CIAPIN1: variants seen among roughly 807,000 people sequenced by gnomAD.
The protein encoded by CIAPIN1 is anamorsin.
A neutral mutation model predicts 34.3 loss-of-function variants in CIAPIN1; 18 were observed. The observed-to-expected ratio is 0.52, with a 90% CI of 0.36 to 0.78. CIAPIN1 has a LOEUF of 0.78. Among genes scored for constraint, CIAPIN1 ranks in the 30% least tolerant of loss-of-function variants. CIAPIN1 has a pLI of 0.00. For synonymous variants in CIAPIN1, 131 were observed against 140.4 expected (o/e 0.93, Z 0.47); for missense variants, 310 against 372.5 (o/e 0.83, Z 1.38).
chr16:57,430,512 G>A (rs541668760), intron 7 of CIAPIN1, 173 bp from the exon 8 acceptor site: 2 of 622,740 alleles, frequency 3.2e-6, no homozygotes, highest in African/African-American at 1.8e-5. Context: ...GGAGACAGAA[G>A]TGGGAGGAGG....
intron 5 of CIAPIN1, 40 bp downstream of exon 5, chr16:57,434,004 A>C: frequency 6.4e-7 from 1 of 1,570,864 alleles, no homozygotes; most frequent in South Asian, 1.1e-5. Context: ...TGTCCCTCTA[A>C]GCCCATTCAA....
chr16:57,432,377 C>A, intron 6 of CIAPIN1, 110 bp downstream of exon 6: 1 of 825,038 alleles, frequency 1.2e-6, no homozygotes, highest in Non-Finnish European at 1.9e-6. Flanking sequence ...AGTCACAAAT[C>A]TGGGCTTTAA....
intron 5 of CIAPIN1, chr16:57,433,727 G>C: frequency 2.9e-6 from 1 of 347,592 alleles, no homozygotes; most frequent in South Asian, 2.3e-5. Flanking sequence ...GAGGTCTTCT[G>C]AGGAGAAACG....
chr16:57,439,906 G>A (rs1345289671), intron 2 of CIAPIN1, among the ~76,000 whole-genome samples: 3 of 152,104 alleles, frequency 2.0e-5, no homozygotes, highest in Non-Finnish European at 2.9e-5. Flanking sequence ...CGACATCTGC[G>A]CACCTTGAAA....
rs1903006511 is a variant in CIAPIN1 at position 57,428,526 on chromosome 16, C to T, written c.*644G>A. The stretch of plus-strand genomic sequence containing the variant: ...CACAAATGCACATCCCCTCTCTTTA[C>T]AAGACATGCAGAATCTCAAGATATG... On this transcript the variant is annotated 3_prime_UTR_variant, in exon 9 of 9. Transcript: ENST00000394391. The T allele has an allele frequency of 6.6e-6, 1 of 152,324 alleles. No individual in the cohort carries two copies. The allele number at this position is 152,324 out of a possible 1,614,324, so 9.4% of individuals were successfully genotyped here. A position where few individuals can be genotyped will look rare whatever the true frequency, so the allele number is the denominator to read the frequency against.
intron 5 of CIAPIN1, chr16:57,433,702 T>C (rs1903139407): frequency 3.1e-6 from 1 of 318,006 alleles, no homozygotes; most frequent in Non-Finnish European, 6.1e-6. Context: ...TCATACACCA[T>C]TACCACTACA....
At chr16:57,429,358 A>G (rs1220768487) in intron 8 of CIAPIN1, 78 bp from the exon 9 acceptor site, 1 of 961,838 alleles carries the variant, frequency 1.0e-6, no homozygotes, top group South Asian at 1.3e-5. Context: ...GCCTAATTTC[A>G]TAATGTGGCC....
chr16:57,429,015 GC>G lies in CIAPIN1; in HGVS notation c.*154del, dbSNP rs547843808. ...ACACAGCAGCACTACACACCACTGTGCCCCCCAGCCAGCTTCACTCTGTCTG... is the reference window on the plus strand; with the variant it reads ...ACACAGCAGCACTACACACCACTGTGCCCCCAGCCAGCTTCACTCTGTCTG... On this transcript the variant is annotated 3_prime_UTR_variant, in exon 9 of 9. Transcript: ENST00000394391. 0.016 allele frequency: 10,072 copies of G among 621,146 alleles called. 142 individuals carry two copies. Among genetic ancestry groups the G allele is most frequent in the Non-Finnish European group, 0.019 (6,654 of 343,210 alleles). 38.5% of individuals were successfully genotyped at this position (621,146 alleles called of 1,614,324 possible).
At chr16:57,440,659 C>A in intron 2 of CIAPIN1, 113 bp downstream of exon 2, 1 of 1,200,936 alleles carries the variant, frequency 8.3e-7, no homozygotes, top group East Asian at 2.4e-5. Flanking sequence ...TGACCAGCCA[C>A]CACTATCACA....
chr16:57,434,761 C>G (rs1903162717), intron 4 of CIAPIN1, among the ~76,000 whole-genome samples: 1 of 152,092 alleles, frequency 6.6e-6, no homozygotes, highest in African/African-American at 2.4e-5. Flanking sequence ...GGGAAATACA[C>G]TGAAGTAGGT....
intron 2 of CIAPIN1, among the ~76,000 whole-genome samples, 199 bp from the exon 3 acceptor site, chr16:57,439,533 C>T (rs1420691024): frequency 6.6e-6 from 1 of 152,222 alleles, no homozygotes; most frequent in Non-Finnish European, 1.5e-5. Flanking sequence ...TTATGGAAAT[C>T]ATCAACTACA....
chr16:57,441,059 C>T (rs588430), intron 1 of CIAPIN1, 76 bp from the exon 2 acceptor site: 431,587 of 861,922 alleles, frequency 0.5, 111,288 homozygotes, highest in Non-Finnish European at 0.53. Flanking sequence ...AACTTGTAAC[C>T]GCCCACTAGG....
chr16:57,446,665 G>C (rs1310591257), intron 1 of CIAPIN1, among the ~76,000 whole-genome samples: 1 of 152,104 alleles, frequency 6.6e-6, no homozygotes, highest in Non-Finnish European at 1.5e-5. Context: ...CAGAATGAAG[G>C]GCACCAGCCT....
At chr16:57,447,074 A>C (rs1167536857) in intron 1 of CIAPIN1, among the ~76,000 whole-genome samples, 1 of 152,206 alleles carries the variant, frequency 6.6e-6, no homozygotes, top group Non-Finnish European at 1.5e-5. Flanking sequence ...CCGGGGCCTC[A>C]GAGTAGGGCC....
At chr16:57,429,405 C>T in intron 8 of CIAPIN1, 125 bp from the exon 9 acceptor site, 1 of 635,974 alleles carries the variant, frequency 1.6e-6, no homozygotes, top group Admixed American at 2.8e-5. Context: ...TTTGCAGGTC[C>T]AATTGAGACC....
chr16:57,445,556 T>A (rs2030018579), intron 1 of CIAPIN1, among the ~76,000 whole-genome samples: 1 of 152,054 alleles, frequency 6.6e-6, no homozygotes, highest in Non-Finnish European at 1.5e-5. Flanking sequence ...TAACTGAAGC[T>A]CTTGTGCACA....
At chr16:57,443,904 G>A (rs1326501816) in intron 1 of CIAPIN1, among the ~76,000 whole-genome samples, 1 of 152,060 alleles carries the variant, frequency 6.6e-6, no homozygotes. Context: ...TGGGAGTATG[G>A]ATTGCTGGGC....
intron 2 of CIAPIN1, 79 bp downstream of exon 2, chr16:57,440,693 A>G (rs1334687523): frequency 3.4e-6 from 5 of 1,466,784 alleles, no homozygotes; most frequent in Non-Finnish European, 4.6e-6. Flanking sequence ...GAAAACTCAG[A>G]TATCAAGGAA....
intron 1 of CIAPIN1, among the ~76,000 whole-genome samples, chr16:57,444,915 T>C (rs1223671310): frequency 2.0e-5 from 3 of 152,188 alleles, no homozygotes; most frequent in African/African-American, 7.2e-5. Context: ...GGTAGCATCA[T>C]TGTCACGTCA....
Sources: gnomAD v4.1 joint callset for allele counts (sites outside exome capture counted in the v4.1 genomes callset) on GRCh38, gnomAD v4.1.1 for gene constraint, MANE v1.5 for transcripts, NCBI Gene and HGNC (gene_info 2026-07-23, HGNC 2026-07-21) for gene names.